The following NRG3 variants were observed in gnomAD, a reference collection of about 807,000 sequenced individuals.
NRG3 encodes neuregulin 3, also known as pro-neuregulin-3, membrane-bound isoform.
A neutral mutation model predicts 66.9 loss-of-function variants in NRG3; 31 were observed. The observed-to-expected ratio is 0.46, with a 90% CI of 0.35 to 0.63. The LOEUF (loss-of-function observed/expected upper bound fraction) is 0.63. NRG3 is among the 20% of genes least tolerant of loss of function. The pLI, the probability that NRG3 is intolerant of heterozygous loss-of-function variation, is 0.00. For missense variants in NRG3, 910 were observed against 878.9 expected, an observed-to-expected ratio of 1.04 and a Z score of -0.45; for synonymous variants, 393 against 359.4, an observed-to-expected ratio of 1.09 and a Z score of -1.06.
intron 4 of NRG3, among the ~76,000 whole-genome samples, chr10:82,943,665 A>C (rs1848762029): frequency 2.6e-5 from 4 of 152,178 alleles, no homozygotes; most frequent in Admixed American, 2.6e-4. Context: ...TATTGAAGTC[A>C]GATTTTCCCC....
At chr10:82,001,161 G>A (rs988389008) in intron 1 of NRG3, among the ~76,000 whole-genome samples, 3 of 151,004 alleles carry the variant, frequency 2.0e-5, no homozygotes, top group Non-Finnish European at 4.4e-5. Context: ...TTGTTGTTCG[G>A]GCTCATACAT....
At chr10:81,899,593 C>G (rs940826999) in intron 1 of NRG3, among the ~76,000 whole-genome samples, 3 of 152,190 alleles carry the variant, frequency 2.0e-5, no homozygotes, top group Non-Finnish European at 4.4e-5. Flanking sequence ...AGAGAGAAAG[C>G]TCCTGGAGAG....
intron 1 of NRG3, among the ~76,000 whole-genome samples, chr10:82,070,271 C>T (rs979009627): frequency 7.9e-5 from 12 of 151,990 alleles, no homozygotes; most frequent in African/African-American, 2.7e-4. Flanking sequence ...TCATGAGTAC[C>T]AGGGAGAATG....
intron 1 of NRG3, among the ~76,000 whole-genome samples, chr10:81,988,130 A>G (rs773136653): frequency 1.5e-4 from 23 of 152,208 alleles, no homozygotes; most frequent in Non-Finnish European, 3.2e-4. Context: ...TCCAAAGGTG[A>G]TAGTGTAGTG....
chr10:82,908,388 C>T (rs1318177188), intron 4 of NRG3, among the ~76,000 whole-genome samples: 1 of 152,154 alleles, frequency 6.6e-6, no homozygotes, highest in East Asian at 1.9e-4. Context: ...CACCTCGGTA[C>T]CCTGCATATT....
intron 1 of NRG3, among the ~76,000 whole-genome samples, chr10:82,121,132 A>G (rs994051251): frequency 1.3e-5 from 2 of 152,090 alleles, no homozygotes; most frequent in African/African-American, 2.4e-5. Flanking sequence ...AAACTTACCC[A>G]TCTGCTCTGT....
At chr10:82,588,646 G>T (rs902191440) in intron 2 of NRG3, among the ~76,000 whole-genome samples, 1 of 152,072 alleles carries the variant, frequency 6.6e-6, no homozygotes, top group African/African-American at 2.4e-5. Context: ...GGGACCACAG[G>T]TGCCCAACAC....
chr10:82,002,433 T>A (rs927017043), intron 1 of NRG3, among the ~76,000 whole-genome samples: 3 of 152,198 alleles, frequency 2.0e-5, no homozygotes, highest in African/African-American at 7.2e-5. Context: ...GAACGTTCAA[T>A]GTGGTAGAAA....
intron 1 of NRG3, among the ~76,000 whole-genome samples, chr10:81,978,187 C>T (rs2060197023): frequency 6.6e-6 from 1 of 152,124 alleles, no homozygotes; most frequent in African/African-American, 2.4e-5. Flanking sequence ...GTTCCCCTTA[C>T]CCCTCCCAGC....
intron 1 of NRG3, among the ~76,000 whole-genome samples, chr10:82,142,566 C>T (rs1253488480): frequency 6.6e-6 from 1 of 152,070 alleles, no homozygotes; most frequent in Non-Finnish European, 1.5e-5. Flanking sequence ...AGCAGGGTCT[C>T]ATTGGGCATG....
intron 2 of NRG3, among the ~76,000 whole-genome samples, chr10:82,416,461 A>G (rs1034167587): frequency 6.6e-6 from 1 of 152,188 alleles, no homozygotes; most frequent in Non-Finnish European, 1.5e-5. Flanking sequence ...GTATAAGCAT[A>G]AGAAGGTTGT....
At chr10:82,710,127 A>T (rs1035781626) in intron 2 of NRG3, among the ~76,000 whole-genome samples, 2 of 152,232 alleles carry the variant, frequency 1.3e-5, no homozygotes, top group Non-Finnish European at 2.9e-5. Context: ...TGCTGCCATT[A>T]ACATCTTGCA....
intron 2 of NRG3, among the ~76,000 whole-genome samples, chr10:82,429,683 G>C (rs989073855): frequency 6.6e-6 from 1 of 152,036 alleles, no homozygotes; most frequent in Admixed American, 6.6e-5. Context: ...TAAATTTTCA[G>C]TTGAAATTCT....
chr10:81,902,522 G>A (rs1844176427), intron 1 of NRG3, among the ~76,000 whole-genome samples: 1 of 152,136 alleles, frequency 6.6e-6, no homozygotes, highest in Admixed American at 6.5e-5. Context: ...GGCATTTGAG[G>A]ATACGGGAGC....
At chr10:82,954,839 G>A (rs986512986) in intron 5 of NRG3, among the ~76,000 whole-genome samples, 2 of 150,686 alleles carry the variant, frequency 1.3e-5, no homozygotes, top group Non-Finnish European at 2.9e-5. Flanking sequence ...TGAATTCGTG[G>A]ATTTCCTTTT....
At chr10:82,076,121 A>G (rs1181880457) in intron 1 of NRG3, among the ~76,000 whole-genome samples, 1 of 152,170 alleles carries the variant, frequency 6.6e-6, no homozygotes, top group Non-Finnish European at 1.5e-5. Flanking sequence ...TATGGAAGAC[A>G]TCTTCTAGTT....
intron 1 of NRG3, among the ~76,000 whole-genome samples, chr10:82,161,636 C>T (rs1207589646): frequency 2.0e-5 from 3 of 152,060 alleles, no homozygotes; most frequent in Admixed American, 1.3e-4. Flanking sequence ...TGCTGGATTT[C>T]CAGTCCTGGT....
At chr10:82,013,268 T>A (rs2061651936) in intron 1 of NRG3, among the ~76,000 whole-genome samples, 1 of 152,090 alleles carries the variant, frequency 6.6e-6, no homozygotes, top group African/African-American at 2.4e-5. Context: ...TTTTGTGAGA[T>A]TTATTGACTA....
intron 3 of NRG3, among the ~76,000 whole-genome samples, chr10:82,805,813 A>C (rs926473205): frequency 2.0e-5 from 3 of 152,196 alleles, no homozygotes; most frequent in African/African-American, 7.2e-5. Flanking sequence ...TATAGTCTCT[A>C]AATTATCTTT....
Sources: gnomAD v4.1 joint callset for allele counts (sites outside exome capture counted in the v4.1 genomes callset) on GRCh38, gnomAD v4.1.1 for gene constraint, MANE v1.5 for transcripts, NCBI Gene and HGNC (gene_info 2026-07-23, HGNC 2026-07-21) for gene names.